Variants in CTNNA2 observed in about 807,000 individuals in gnomAD.
The protein encoded by CTNNA2 is catenin alpha-2.
Under a neutral mutation model 101.0 loss-of-function variants are expected in CTNNA2, and 42 were observed. The ratio of observed to expected loss-of-function variants is 0.42; its 90% confidence interval spans 0.32 to 0.54. CTNNA2 has a LOEUF of 0.54. CTNNA2 is among the 20% of genes least tolerant of loss of function. CTNNA2 has a pLI of 0.14. For missense variants in CTNNA2, 871 were observed against 1,223.1 expected, an observed-to-expected ratio of 0.71 and a Z score of 4.29; for synonymous variants, 450 against 456.4, an observed-to-expected ratio of 0.99 and a Z score of 0.18.
intron 7 of CTNNA2, among the ~76,000 whole-genome samples, chr2:80,203,604 T>A (rs1354878802): frequency 3.3e-5 from 5 of 152,214 alleles, no homozygotes; most frequent in Non-Finnish European, 7.4e-5. Context: ...CTCCTGTGGC[T>A]TTGCAGGATA....
chr2:80,218,553 C>A (rs573485258), intron 7 of CTNNA2, among the ~76,000 whole-genome samples: 1 of 152,336 alleles, frequency 6.6e-6, no homozygotes. Context: ...GATTGGAATT[C>A]AGCTCTGATA....
chr2:79,196,122 C>T lies in CTNNA2; in HGVS notation c.-523-1837C>T, dbSNP rs1178346413. The stretch of plus-strand genomic sequence containing the variant: ...CAGCTGTTTGTCTTTTTAGTAGAGA[C>T]GGGGTTTCACCATGTTGGCCAGGCA... On this transcript the variant is annotated intron_variant, in intron 1 of 21. Coordinates refer to the CTNNA2 transcript ENST00000466387. Among the ~76,000 whole-genome samples the T allele has an allele frequency of 4.6e-5, 7 of 152,134 alleles. No individual in the cohort carries two copies. The South Asian group carries it at 1.0e-3, about 23-fold the overall frequency.
intron 7 of CTNNA2, among the ~76,000 whole-genome samples, chr2:80,138,868 A>C (rs978922351): frequency 2.6e-5 from 4 of 152,184 alleles, no homozygotes; most frequent in Admixed American, 2.6e-4. Flanking sequence ...CAACATTCCA[A>C]TAAAAAATAC....
chr2:79,201,177 T>A (rs947795894), intron 2 of CTNNA2, among the ~76,000 whole-genome samples: 4 of 152,034 alleles, frequency 2.6e-5, no homozygotes, highest in African/African-American at 9.7e-5. Context: ...TCAAGTCAGA[T>A]AGAGCTGGTC....
intron 7 of CTNNA2, among the ~76,000 whole-genome samples, chr2:80,234,507 C>T (rs113980178): frequency 2.0e-5 from 3 of 152,162 alleles, no homozygotes; most frequent in African/African-American, 4.8e-5. Flanking sequence ...TTCTTTTACT[C>T]ATGACCTCTC....
At chr2:79,801,160 G>A (rs906429100) in intron 3 of CTNNA2, among the ~76,000 whole-genome samples, 3 of 152,144 alleles carry the variant, frequency 2.0e-5, no homozygotes, top group African/African-American at 7.2e-5. Flanking sequence ...TTTCAAAAAC[G>A]TTGAGAGAAT....
chr2:80,047,156 A>T (rs1696583052), intron 7 of CTNNA2, among the ~76,000 whole-genome samples: 1 of 152,152 alleles, frequency 6.6e-6, no homozygotes, highest in African/African-American at 2.4e-5. Context: ...TAAATAAAGT[A>T]ACTTCAGTTC....
At chr2:80,418,610 A>C (rs1265529316) in intron 8 of CTNNA2, among the ~76,000 whole-genome samples, 1 of 152,200 alleles carries the variant, frequency 6.6e-6, no homozygotes, top group African/African-American at 2.4e-5. Context: ...GTGTCATCCT[A>C]TCAAGAGATT....
chr2:80,116,185 G>A (rs942098717), intron 7 of CTNNA2, among the ~76,000 whole-genome samples: 1 of 152,006 alleles, frequency 6.6e-6, no homozygotes, highest in African/African-American at 2.4e-5. Context: ...ACATAAACAA[G>A]TGGGTATAGC....
intron 1 of CTNNA2, among the ~76,000 whole-genome samples, chr2:79,544,668 C>T (rs947119908): frequency 6.6e-6 from 1 of 152,052 alleles, no homozygotes; most frequent in Non-Finnish European, 1.5e-5. Flanking sequence ...CTTGGTGACA[C>T]AAAGAATATT....
chr2:79,817,449 G>C (rs1411548586), intron 3 of CTNNA2, among the ~76,000 whole-genome samples: 1 of 149,046 alleles, frequency 6.7e-6, no homozygotes, highest in African/African-American at 2.5e-5. Context: ...TCAGGCTCTC[G>C]TATTTCCAGT....
chr2:80,604,462 C>CAT (rs1423220238), intron 16 of CTNNA2, among the ~76,000 whole-genome samples: 1 of 151,792 alleles, frequency 6.6e-6, no homozygotes, highest in East Asian at 2.0e-4. Context: ...ACGGATTGTC[C>CAT]CAGGCTTCCC....
At chr2:80,521,941 C>T (rs1240296641) in intron 9 of CTNNA2, among the ~76,000 whole-genome samples, 1 of 152,122 alleles carries the variant, frequency 6.6e-6, no homozygotes, top group Non-Finnish European at 1.5e-5. Context: ...GAATTAGCCT[C>T]AAGGAGTAAC....
At chr2:80,220,446 G>A (rs1404952210) in intron 7 of CTNNA2, among the ~76,000 whole-genome samples, 6 of 152,192 alleles carry the variant, frequency 3.9e-5, no homozygotes, top group Admixed American at 3.9e-4. Context: ...TTTCAGCTGG[G>A]CATGGAGGCT....
chr2:79,521,695 G>C (rs1166298845), intron 1 of CTNNA2, among the ~76,000 whole-genome samples: 1 of 152,162 alleles, frequency 6.6e-6, no homozygotes. Context: ...GTTACAATTT[G>C]ATATAGAGGC....
intron 3 of CTNNA2, among the ~76,000 whole-genome samples, chr2:79,333,842 G>C (rs1447994562): frequency 6.6e-6 from 1 of 152,066 alleles, no homozygotes; most frequent in East Asian, 1.9e-4. Context: ...AAATAAACTA[G>C]AGATGATCTA....
intron 5 of CTNNA2, among the ~76,000 whole-genome samples, chr2:79,872,753 G>T (rs1318755814): frequency 6.6e-6 from 1 of 152,128 alleles, no homozygotes; most frequent in African/African-American, 2.4e-5. Flanking sequence ...GTGATTTCTT[G>T]TTACCAGGTC....
intron 7 of CTNNA2, among the ~76,000 whole-genome samples, chr2:80,173,622 T>C (rs1186039097): frequency 6.6e-6 from 1 of 152,202 alleles, no homozygotes; most frequent in African/African-American, 2.4e-5. Flanking sequence ...TCGCACTGGA[T>C]GGTAAACACG....
intron 7 of CTNNA2, among the ~76,000 whole-genome samples, chr2:79,912,080 T>C (rs1685841392): frequency 6.6e-6 from 1 of 152,234 alleles, no homozygotes; most frequent in Non-Finnish European, 1.5e-5. Flanking sequence ...AAAGGTATTA[T>C]CAAATGATCA....
Sources: gnomAD v4.1 joint callset for allele counts (sites outside exome capture counted in the v4.1 genomes callset) on GRCh38, gnomAD v4.1.1 for gene constraint, MANE v1.5 for transcripts, NCBI Gene and HGNC (gene_info 2026-07-23, HGNC 2026-07-21) for gene names.